Variants in PACRG observed in about 807,000 individuals in gnomAD.
The protein encoded by PACRG is parkin coregulated gene protein.
In PACRG, 29 loss-of-function variants were observed where a neutral mutation model predicts 29.7. The observed-to-expected ratio is 0.98, with a 90% CI of 0.73 to 1.33. PACRG has a LOEUF of 1.33. Ranked by LOEUF, PACRG falls within the 40% of genes most tolerant of loss-of-function variation. PACRG has a pLI of 0.00. For missense variants in PACRG, 279 were observed against 316.2 expected (o/e 0.88, Z 0.89); for synonymous variants, 116 against 118.7 (o/e 0.98, Z 0.15).
chr6:163,261,180 C>T (rs984313420), intron 4 of PACRG, among the ~76,000 whole-genome samples: 5 of 152,104 alleles, frequency 3.3e-5, no homozygotes, highest in South Asian at 2.1e-4. Context: ...AGCTGATCTC[C>T]GCCTCTTCTG....
chr6:163,032,510 C>T (rs572413324), intron 2 of PACRG, among the ~76,000 whole-genome samples: 77 of 152,202 alleles, frequency 5.1e-4, no homozygotes, highest in Non-Finnish European at 6.9e-4. Flanking sequence ...GTCAAAAACA[C>T]GATTAACAAA....
intron 1 of PACRG, among the ~76,000 whole-genome samples, chr6:162,730,063 CT>C (rs1554267987): frequency 4.5e-4 from 65 of 145,798 alleles, no homozygotes; most frequent in Non-Finnish European, 4.7e-4. Flanking sequence ...AACTGTCTCT[CT>C]TTTTTTTTTT....
intron 4 of PACRG, chr6:163,183,035 AT>A (rs1779747022): frequency 6.6e-6 from 1 of 152,258 alleles, no homozygotes; most frequent in Non-Finnish European, 1.5e-5. Context: ...TATGTGGGTG[AT>A]CCAGGTTGCA....
At chr6:162,920,503 A>G (rs1004946327) in intron 2 of PACRG, among the ~76,000 whole-genome samples, 59 of 152,258 alleles carry the variant, frequency 3.9e-4, no homozygotes, top group African/African-American at 1.4e-3. Flanking sequence ...GGGACTTGAG[A>G]AGTTATGGAT....
At chr6:163,066,277 A>C (rs565059) in intron 3 of PACRG, among the ~76,000 whole-genome samples, 2 of 152,028 alleles carry the variant, frequency 1.3e-5, no homozygotes, top group African/African-American at 4.8e-5. Flanking sequence ...TTTTAGAGAA[A>C]TGGGGAGAAA....
intron 2 of PACRG, among the ~76,000 whole-genome samples, chr6:162,820,615 A>T (rs746178443): frequency 6.6e-6 from 1 of 150,982 alleles, no homozygotes; most frequent in Non-Finnish European, 1.5e-5. Context: ...TGGTACCTTC[A>T]ATTTCTTAAT....
intron 4 of PACRG, among the ~76,000 whole-genome samples, chr6:163,122,079 T>C (rs1816304499): frequency 6.6e-6 from 1 of 152,210 alleles, no homozygotes; most frequent in African/African-American, 2.4e-5. Context: ...CTAATGGTGA[T>C]TTTGATACTA....
intron 1 of PACRG, among the ~76,000 whole-genome samples, chr6:162,764,554 A>C (rs1230821714): frequency 6.6e-6 from 1 of 152,112 alleles, no homozygotes; most frequent in Non-Finnish European, 1.5e-5. Flanking sequence ...CCATGTCCAT[A>C]TTTAGAGATA....
intron 2 of PACRG, among the ~76,000 whole-genome samples, chr6:162,871,857 G>A (rs905442872): frequency 6.6e-6 from 1 of 151,826 alleles, no homozygotes; most frequent in African/African-American, 2.4e-5. Context: ...GGCGGAGCTT[G>A]CAGTGAGCTG....
At chr6:163,095,109 C>T (rs937121655) in intron 4 of PACRG, among the ~76,000 whole-genome samples, 5 of 152,120 alleles carry the variant, frequency 3.3e-5, no homozygotes, top group Non-Finnish European at 7.4e-5. Context: ...CTGGGAAGGG[C>T]TCAGGCCTCC....
chr6:162,910,556 G>GA (rs1328904963), intron 2 of PACRG, among the ~76,000 whole-genome samples: 4 of 151,376 alleles, frequency 2.6e-5, no homozygotes, highest in Admixed American at 6.6e-5. Flanking sequence ...CATTTGAATT[G>GA]AAAAAAAACC....
intron 4 of PACRG, among the ~76,000 whole-genome samples, chr6:163,123,883 T>C (rs1414813160): frequency 6.6e-6 from 1 of 152,252 alleles, no homozygotes; most frequent in Non-Finnish European, 1.5e-5. Context: ...CACATTTCAT[T>C]CATCAGTGGA....
chr6:162,752,430 G>C (rs1329338889), intron 1 of PACRG, among the ~76,000 whole-genome samples: 1 of 152,156 alleles, frequency 6.6e-6, no homozygotes, highest in Non-Finnish European at 1.5e-5. Context: ...TGTTGGACCA[G>C]TATCCAGTAA....
chr6:163,254,546 G>A (rs1057184407), intron 4 of PACRG, among the ~76,000 whole-genome samples: 11 of 152,230 alleles, frequency 7.2e-5, no homozygotes, highest in African/African-American at 2.2e-4. Flanking sequence ...TTCAGCTCGC[G>A]AGTGGGCTCA....
intron 1 of PACRG, among the ~76,000 whole-genome samples, chr6:162,753,464 A>G (rs557184364): frequency 1.3e-5 from 2 of 152,190 alleles, no homozygotes; most frequent in East Asian, 1.9e-4. Context: ...ATAGTATTAC[A>G]TTTAATTTAT....
At chr6:163,089,832 C>G (rs1221033135) in intron 4 of PACRG, among the ~76,000 whole-genome samples, 1 of 152,120 alleles carries the variant, frequency 6.6e-6, no homozygotes, top group Non-Finnish European at 1.5e-5. Context: ...TTATTAAAAT[C>G]TGGTAAATGG....
chr6:163,266,641 C>T (rs1411325614), intron 4 of PACRG, among the ~76,000 whole-genome samples: 2 of 152,176 alleles, frequency 1.3e-5, no homozygotes, highest in East Asian at 3.9e-4. Flanking sequence ...TTACTCTATG[C>T]AAGACAAAAT....
intron 4 of PACRG, among the ~76,000 whole-genome samples, chr6:163,239,848 ACACT>A (rs1349751805): frequency 1.2e-4 from 16 of 134,182 alleles, no homozygotes; most frequent in African/African-American, 4.6e-4. Flanking sequence ...ACATACACAC[ACACT>A]CTCACACTCC....
chr6:162,844,717 C>A (rs539884633), intron 2 of PACRG, among the ~76,000 whole-genome samples: 1 of 152,326 alleles, frequency 6.6e-6, no homozygotes, highest in Non-Finnish European at 1.5e-5. Context: ...TTTTTATAAG[C>A]TGTCACCATT....
Sources: gnomAD v4.1 joint callset for allele counts (sites outside exome capture counted in the v4.1 genomes callset) on GRCh38, gnomAD v4.1.1 for gene constraint, MANE v1.5 for transcripts, NCBI Gene and HGNC (gene_info 2026-07-23, HGNC 2026-07-21) for gene names.